The following CYP2A6 variants were observed in gnomAD, a reference collection of about 807,000 sequenced individuals.
CYP2A6 encodes the protein cytochrome P450 2A6.
A neutral mutation model predicts 42.3 loss-of-function variants in CYP2A6; 27 were observed. That is an observed-to-expected ratio of 0.64 (90% CI 0.47 to 0.88). The LOEUF (loss-of-function observed/expected upper bound fraction) is 0.88, where lower values mean the gene tolerates loss of function less well. Among genes scored for constraint, CYP2A6 ranks in the 40% least tolerant of loss-of-function variants. The pLI is 0.00. For missense variants in CYP2A6, 628 were observed against 646.0 expected, an observed-to-expected ratio of 0.97 and a Z score of 0.30; for synonymous variants, 238 against 246.3, an observed-to-expected ratio of 0.97 and a Z score of 0.31.
chr19:40,849,369 C>T (rs1967180169), intron 2 of CYP2A6, among the ~76,000 whole-genome samples: 1 of 151,050 alleles, frequency 6.6e-6, no homozygotes, highest in Non-Finnish European at 1.5e-5. Context: ...GAGACTGTTA[C>T]CAGGAGATGG....
Position 40,844,671 on chromosome 19 carries a change from C to T in CYP2A6, c.1263G>A (p.Gly421=), listed in dbSNP as rs1395856449. Residue 421 remains glycine, a synonymous_variant, in exon 8 of 9, where the codon GGG becomes GGA. Transcript: ENST00000301141. ...FNPQHFLNEK[G]QFKKSDAFVP... ...CAAAAGCATCACTCTTCTTAAACTG[C>T]CCCTTCTCATTCAGGAAGTGCTGGG... The T allele has an allele frequency of 1.2e-6, 2 of 1,611,672 alleles. No individual in the cohort carries two copies. The highest frequency in any genetic ancestry group is 1.7e-6 in the Non-Finnish European group (2 of 1,179,864).
At position 40,848,267 on chromosome 19, in the gene CYP2A6, C is replaced by G. The variant is rs748975181; in HGVS notation, c.606G>C (p.Leu202Phe). 37 of 1,611,720 alleles carry G rather than the reference C, an allele frequency of 2.3e-5. 1 individual carries two copies. The South Asian group carries it at 4.1e-4, about 18-fold the overall frequency. ...ACTGGAAGATTCCTAGCATCATGCG[C>G]AACAGTGACAGGAACTCTTTGTCCT... ...DYKDKEFLSLLRMMLGIFQFT... is the reference protein window; with the variant it reads ...DYKDKEFLSLFRMMLGIFQFT... Residue 202 changes from leucine (L) to phenylalanine (F), a missense_variant, in exon 4 of 9, where the codon TTG (leucine) becomes TTC (phenylalanine). Transcript: ENST00000301141.
rs1228394249 is a variant in CYP2A6 at position 40,848,736 on chromosome 19, G to A, written c.371C>T (p.Ala124Val). The A allele has an allele frequency of 1.9e-6, 3 of 1,611,704 alleles. No homozygotes were observed. Among genetic ancestry groups the A allele is most frequent in the Non-Finnish European group, 2.5e-6 (3 of 1,179,876 alleles). Residue 124 changes from alanine to valine, a missense_variant, in exon 3 of 9, where the codon GCC (alanine) becomes GTC (valine). By Grantham distance (64) the Ala-to-Val change is moderately conservative. Transcript: ENST00000301141. The stretch of plus-strand genomic sequence containing the variant: ...GATGGAGAAGCGCCGGAGCTGCTTG[G>A]CGCGCTCCCCGTTGCTGAATACCAC... Reference protein sequence around the residue: ...YGVVFSNGERAKQLRRFSIAT... With the variant: ...YGVVFSNGERVKQLRRFSIAT...
Position 40,845,420 on chromosome 19 carries a change from G to T in CYP2A6, c.1035C>A (p.Asp345Glu). Residue 345 changes from aspartate (D) to glutamate (E), a missense_variant, in exon 7 of 9, where the codon GAC becomes GAA. Asp to Glu is a conservative substitution (Grantham distance 45, BLOSUM62 2). Around this residue, in one of 2 missense-constraint regions of CYP2A6, gnomAD observed 606 missense variants for 568.1 expected, o/e 1.07. Coordinates refer to ENST00000301141, the MANE Select transcript of CYP2A6 (RefSeq NM_000762.6). ...IGKNRQPKFE[D>E]RAKMPYMEAV... ...CCTCCATGTAGGGCATCTTGGCCCG[G>T]TCCTCAAACTTGGGCTGCCGGTTCT... is the stretch of plus-strand genomic sequence containing the variant. 6.2e-7 allele frequency: 1 copy of T among 1,611,782 alleles called. No individual in the cohort carries two copies. The highest frequency in any genetic ancestry group is 8.5e-7 in the Non-Finnish European group (1 of 1,179,914).
At position 40,846,967 on chromosome 19, in the gene CYP2A6, A is replaced by G. The variant is rs762811221; in HGVS notation, c.739T>C (p.Phe247Leu). ...TTGTGCTCCACCTTCTTGGCTATGA[A>G]GTCCTCCAGCCCTTGCAGCAACTGA... ...AFQLLQGLEDFIAKKVEHNQR... is the reference protein window; with the variant it reads ...AFQLLQGLEDLIAKKVEHNQR... Residue 247 changes from phenylalanine (F) to leucine (L), a missense_variant, in exon 5 of 9, where the codon TTC (phenylalanine) becomes CTC (leucine). Phe to Leu is a conservative substitution (Grantham distance 22, BLOSUM62 0). Transcript: ENST00000301141. The G allele has an allele frequency of 8.1e-6, 13 of 1,612,020 alleles. No individual in the cohort carries two copies. The highest frequency in any genetic ancestry group is 2.2e-5 in the South Asian group (2 of 90,922).
rs8192724 is a variant in CYP2A6 at position 40,850,094 on chromosome 19, G to A, written c.181-114C>T. On this transcript the variant is annotated intron_variant, in intron 1 of 8. Transcript: ENST00000301141. ...GCACCCAGGTTCTCACAGTCAGGGA[G>A]CTGGACATCCCAAGATCCTGTCTTT... 2.6e-6 allele frequency: 4 copies of A among 1,538,072 alleles called. 1 individual carries two copies. In the East Asian group the frequency reaches 9.5e-5, roughly 37 times the overall value.
In CYP2A6 at chr19:40,846,043, A is replaced by T. The variant is rs753659140; in HGVS notation, c.886T>A (p.Leu296Met). The T allele has an allele frequency of 1.9e-6, 3 of 1,611,674 alleles. No individual in the cohort carries two copies. Among genetic ancestry groups the T allele is most frequent in the Non-Finnish European group, 2.5e-6 (3 of 1,179,872 alleles). The part of the protein sequence containing the change: ...FYLKNLVMTT[L>M]NLFIGGTETV... ...TCGGTGCCCCCAATGAAGAGGTTCA[A>T]CGTGGTCATCACCAGGTTTTTCAAG... Residue 296 changes from leucine to methionine, a missense_variant, in exon 6 of 9, where the codon TTG becomes ATG. Leu to Met is a conservative substitution (Grantham distance 15). Transcript: ENST00000301141.
At chr19:40,844,842 A>C in intron 7 of CYP2A6, 70 bp from the exon 8 acceptor site, 1 of 1,545,186 alleles carries the variant, frequency 6.5e-7, no homozygotes, top group Non-Finnish European at 8.7e-7. Context: ...CAGGGGCTGG[A>C]GGGGGAACTA....
chr19:40,846,328 C>CAAA (rs1967098832), intron 5 of CYP2A6, among the ~76,000 whole-genome samples: 1 of 150,326 alleles, frequency 6.7e-6, no homozygotes, highest in African/African-American at 2.5e-5. Context: ...CTTCAATTAT[C>CAAA]AACTTAGCTG....
chr19:40,850,030 TG>T lies in CYP2A6; in HGVS notation c.181-51del, dbSNP rs755409053. On this transcript the variant is annotated intron_variant, in intron 1 of 8. Coordinates refer to ENST00000301141, the MANE Select transcript of CYP2A6 (RefSeq NM_000762.6). ...TAGAGGGAGAAGCCTCCACTCTGAA[TG>T]GGGCCCAGCACCGAGATGTCATGTG... The T allele has an allele frequency of 2.6e-5, 42 of 1,602,972 alleles. 2 individuals carry two copies. Among genetic ancestry groups the T allele is most frequent in the Admixed American group, 3.4e-5 (2 of 59,266 alleles).
In CYP2A6 at chr19:40,846,916, G is replaced by T. The variant is rs761666827; in HGVS notation, c.790C>A (p.Pro264Thr). ...AGAAAGGAGTCAATGAAGTCCCGTG[G>T]GGAATTGGGATCCAGCGTGCGCTGG... ...HNQRTLDPNS[P>T]RDFIDSFLIR... Residue 264 changes from proline to threonine, a missense_variant, in exon 5 of 9, where the codon CCA (proline) becomes ACA (threonine). Physicochemically the swap from Pro to Thr is conservative, Grantham distance 38. Coordinates refer to ENST00000301141, the MANE Select transcript of CYP2A6 (RefSeq NM_000762.6). 5.6e-6 allele frequency: 9 copies of T among 1,612,026 alleles called. No homozygotes were observed. The African/African-American group carries it at 1.2e-4, about 22-fold the overall frequency.
In CYP2A6 at chr19:40,848,709, G is replaced by A; in HGVS notation, c.398C>T (p.Ala133Val). 1.2e-6 allele frequency: 2 copies of A among 1,611,912 alleles called. No homozygotes were observed. Among genetic ancestry groups the A allele is most frequent in the Non-Finnish European group, 1.7e-6 (2 of 1,179,904 alleles). The change falls in exon 3 of 9, where the codon GCC (alanine) becomes GTC (valine). Residue 133 changes from alanine (A) to valine (V), a missense_variant. This residue lies in a region of CYP2A6 where 606 missense variants were observed against 568.1 expected (regional missense o/e 1.07). Transcript: ENST00000301141. ...RAKQLRRFSI[A>V]TLRDFGVGKR... ...GCCCACCCCGAAGTCCCGCAGGGTGGCGATGGAGAAGCGCCGGAGCTGCTT... is the reference window on the plus strand; with the variant it reads ...GCCCACCCCGAAGTCCCGCAGGGTGACGATGGAGAAGCGCCGGAGCTGCTT...
At chr19:40,848,442 A>G in intron 3 of CYP2A6, 63 bp from the exon 4 acceptor site, 1 of 1,604,408 alleles carries the variant, frequency 6.2e-7, no homozygotes, top group Non-Finnish European at 8.5e-7. Context: ...GAGGAGAGTC[A>G]GAATTCCAGG....
rs2083440830 is a variant in CYP2A6 at position 40,843,634 on chromosome 19, T to C, written c.*162A>G. The C allele has an allele frequency of 2.7e-6, 3 of 1,117,910 alleles. No homozygotes were observed. The African/African-American group carries it at 4.7e-5, about 18-fold the overall frequency. 69.2% of individuals were successfully genotyped at this position (1,117,910 alleles called of 1,614,324 possible). A position where few individuals can be genotyped will look rare whatever the true frequency, so the allele number is the denominator to read the frequency against. The stretch of plus-strand genomic sequence containing the variant: ...CCAGCTCGGAAGCACCTTATCAAGG[T>C]GAACTGAGCCGCTTCTGTTTCTTCT... On this transcript the variant is annotated 3_prime_UTR_variant, in exon 9 of 9. Coordinates refer to ENST00000301141, the MANE Select transcript of CYP2A6 (RefSeq NM_000762.6).
Position 40,845,415 on chromosome 19 carries a change from G to T in CYP2A6, c.1040C>A (p.Ala347Asp), listed in dbSNP as rs2083451271. Residue 347 changes from alanine (A) to aspartate (D), a missense_variant, in exon 7 of 9, where the codon GCC becomes GAC. Transcript: ENST00000301141. Reference protein sequence around the residue: ...KNRQPKFEDRAKMPYMEAVIH... With the variant: ...KNRQPKFEDRDKMPYMEAVIH... ...CACTGCCTCCATGTAGGGCATCTTG[G>T]CCCGGTCCTCAAACTTGGGCTGCCG... 3 of 1,611,828 alleles carry T rather than the reference G, an allele frequency of 1.9e-6. No individual in the cohort carries two copies. Among genetic ancestry groups the T allele is most frequent in the Middle Eastern group, 1.7e-4 (1 of 6,060 alleles).
rs770841973 is a variant in CYP2A6, at chr19:40,849,822, G to A, written c.339C>T (p.Gly113=). 1.9e-6 allele frequency: 3 copies of A among 1,610,448 alleles called. No homozygotes were observed. In the South Asian group the frequency reaches 3.3e-5, roughly 18 times the overall value. ...CCCTCTTGGGCACCCCCTCACCATA[G>A]CCTTTGAAGACCCAGTCGAAGGTGG... is the stretch of plus-strand genomic sequence containing the variant. The part of the protein sequence containing the change: ...EQATFDWVFK[G]YGVVFSNGER... The change falls in exon 2 of 9, where the codon GGC becomes GGT. Residue 113 remains glycine, a synonymous_variant. Coordinates refer to ENST00000301141, the MANE Select transcript of CYP2A6 (RefSeq NM_000762.6).
At position 40,845,281 on chromosome 19, in the gene CYP2A6, G is replaced by C. The variant is rs771496020; in HGVS notation, c.1161+13C>G. On this transcript the variant is annotated intron_variant, in intron 7 of 8. Coordinates refer to ENST00000301141, the MANE Select transcript of CYP2A6 (RefSeq NM_000762.6). ...GAAGTCCCCGTAGTCTGGGGGGTGG[G>C]GGCGGATAGCACCTTAGGGAGGAAG... 2.5e-6 allele frequency: 4 copies of C among 1,611,470 alleles called. No individual in the cohort carries two copies. The South Asian group carries it at 4.4e-5, about 18-fold the overall frequency.
chr19:40,847,911 G>A (rs1415732452), intron 4 of CYP2A6, among the ~76,000 whole-genome samples: 1 of 151,792 alleles, frequency 6.6e-6, no homozygotes, highest in African/African-American at 2.4e-5. Context: ...GGGAGCATCT[G>A]TTAGAAATTA....
At chr19:40,846,740 G>C in intron 5 of CYP2A6, 135 bp downstream of exon 5, 2 of 1,359,182 alleles carry the variant, frequency 1.5e-6, no homozygotes, top group Non-Finnish European at 2.0e-6. Context: ...TGTTAGCCAC[G>C]GCACCCAGCC....
Sources: allele counts gnomAD v4.1 joint callset (sites outside exome capture counted in the v4.1 genomes callset), GRCh38; gene constraint gnomAD v4.1.1; regional missense constraint gnomAD v4.1.1; transcripts MANE v1.5; gene names NCBI Gene and HGNC (gene_info 2026-07-23, HGNC 2026-07-21).